The following RGS13 variants were observed in gnomAD, a reference collection of about 807,000 sequenced individuals.
RGS13 encodes regulator of G protein signaling 13, also known as regulator of G-protein signalling 13.
RGS13 carries 14 observed loss-of-function variants against 19.9 expected under a neutral mutation model. The ratio of observed to expected loss-of-function variants is 0.70; its 90% CI spans 0.46 to 1.10. The LOEUF (loss-of-function observed/expected upper bound fraction) is 1.10, where lower values mean the gene tolerates loss of function less well. Ranked by LOEUF, RGS13 falls within the 50% of genes least tolerant of loss-of-function variation. The pLI is 0.00. For missense variants in RGS13, 205 were observed against 187.1 expected, an observed-to-expected ratio of 1.10 and a Z score of -0.56; for synonymous variants, 60 against 56.8, an observed-to-expected ratio of 1.06 and a Z score of -0.25.
Position 192,659,576 on chromosome 1 carries a change from A to T in RGS13, c.*53A>T. The T allele has an allele frequency of 2.3e-6, 3 of 1,300,954 alleles. No individual in the cohort carries two copies. 80.6% of individuals were successfully genotyped at this position (1,300,954 alleles called of 1,614,324 possible). ...CAGTATATTGAAAGTGGTGGGTTTG[A>T]TCTTTTTATTTAGAAACCCACAAAA... On this transcript the variant is annotated 3_prime_UTR_variant, in exon 7 of 7. Transcript: ENST00000391995.
At chr1:192,659,305 A>C in intron 6 of RGS13, 33 bp from the exon 7 acceptor site, 4 of 1,557,236 alleles carry the variant, frequency 2.6e-6, no homozygotes, top group Non-Finnish European at 3.5e-6. Flanking sequence ...AACTATGCTA[A>C]CTTAATGCTG....
At chr1:192,648,876 G>A (rs1190552894) in intron 5 of RGS13, among the ~76,000 whole-genome samples, 1 of 152,062 alleles carries the variant, frequency 6.6e-6, no homozygotes, top group African/African-American at 2.4e-5. Flanking sequence ...GGTACCCCCT[G>A]TTCCTCATGG....
At chr1:192,640,773 C>G (rs144133436) in intron 3 of RGS13, among the ~76,000 whole-genome samples, 76 of 136,486 alleles carry the variant, frequency 5.6e-4, no homozygotes, top group African/African-American at 1.9e-3. Context: ...GAATCTATAC[C>G]TATATTTTCA....
intron 5 of RGS13, among the ~76,000 whole-genome samples, chr1:192,653,049 T>C (rs553001794): frequency 9.2e-4 from 140 of 152,176 alleles, no homozygotes; most frequent in African/African-American, 3.2e-3. Context: ...CAAGGCTTCT[T>C]CAGATTCAGT....
chr1:192,646,722 G>C (rs1433595545), intron 4 of RGS13: 1 of 152,002 alleles, frequency 6.6e-6, no homozygotes, highest in Non-Finnish European at 1.5e-5. Flanking sequence ...TCATCATTCA[G>C]TTCCCACTTA....
chr1:192,653,408 T>C (rs1663379560), intron 5 of RGS13, among the ~76,000 whole-genome samples: 1 of 152,114 alleles, frequency 6.6e-6, no homozygotes, highest in Admixed American at 6.6e-5. Context: ...CTGAAAGCAA[T>C]TTTACAATAT....
intron 5 of RGS13, among the ~76,000 whole-genome samples, chr1:192,657,294 A>T (rs192577115): frequency 5.7e-4 from 74 of 129,266 alleles, no homozygotes; most frequent in African/African-American, 1.8e-3. Flanking sequence ...TTTCTAGTCT[A>T]GTCTAGTCAA....
intron 3 of RGS13, 62 bp from the exon 4 acceptor site, chr1:192,644,269 G>C: frequency 1.7e-6 from 2 of 1,192,440 alleles, no homozygotes; most frequent in South Asian, 1.5e-5. Context: ...CTTAGAAACT[G>C]ACTGTAACAT....
At chr1:192,658,106 T>G in intron 5 of RGS13, 95 bp from the exon 6 acceptor site, 1 of 796,188 alleles carries the variant, frequency 1.3e-6, no homozygotes, top group Non-Finnish European at 2.0e-6. Context: ...AAATAATTTG[T>G]GAGTTTTTAA....
chr1:192,642,519 GTC>G (rs797004362), intron 3 of RGS13, among the ~76,000 whole-genome samples: 77 of 151,654 alleles, frequency 5.1e-4, no homozygotes, highest in Middle Eastern at 3.4e-3. Flanking sequence ...GAGAGACAGG[GTC>G]TCTCTATGCT....
At chr1:192,651,760 C>T (rs909350941) in intron 5 of RGS13, among the ~76,000 whole-genome samples, 4 of 152,020 alleles carry the variant, frequency 2.6e-5, no homozygotes, top group African/African-American at 4.8e-5. Flanking sequence ...GAATATCCGT[C>T]TGATTAATCT....
chr1:192,647,007 T>G (rs557792334), intron 4 of RGS13: 10 of 152,320 alleles, frequency 6.6e-5, no homozygotes, highest in Admixed American at 6.5e-4. Flanking sequence ...AGGTAAAATG[T>G]AACTTGACAT....
At position 192,659,504 on chromosome 1, in the gene RGS13, A is replaced by T. The variant is rs774539605; in HGVS notation, c.461A>T (p.Gln154Leu). ...EMYQKLLKTM[Q>L]SNNSF ...TACCAAAAACTTTTGAAAACTATGC[A>T]GTCCAACAACAGTTTCTGACTACAA... Residue 154 changes from glutamine (Q) to leucine (L), a missense_variant, in exon 7 of 7, where the codon CAG becomes CTG. By Grantham distance (113) the Gln-to-Leu change is moderately radical (BLOSUM62 -2). Coordinates refer to ENST00000391995, the MANE Select transcript of RGS13 (RefSeq NM_002927.5). The T allele has an allele frequency of 1.2e-6, 2 of 1,611,486 alleles. No homozygotes were observed. Among genetic ancestry groups the T allele is most frequent in the Non-Finnish European group, 1.7e-6 (2 of 1,178,838 alleles).
At chr1:192,644,227 T>C in intron 3 of RGS13, 104 bp from the exon 4 acceptor site, 2 of 730,834 alleles carry the variant, frequency 2.7e-6, no homozygotes. Flanking sequence ...AGAGCCCATC[T>C]TTTTTTTTAT....
At chr1:192,642,627 T>C (rs144196068) in intron 3 of RGS13, among the ~76,000 whole-genome samples, 125 of 152,106 alleles carry the variant, frequency 8.2e-4, no homozygotes, top group African/African-American at 2.8e-3. Context: ...GTGCTGAGCC[T>C]AAATTCCTTT....
At position 192,659,499 on chromosome 1, in the gene RGS13, T is replaced by G; in HGVS notation, c.456T>G (p.Thr152=). The change falls in exon 7 of 7, where the codon ACT becomes ACG. Residue 152 remains threonine, a synonymous_variant. Coordinates refer to ENST00000391995, the MANE Select transcript of RGS13 (RefSeq NM_002927.5). ...KSEMYQKLLK[T]MQSNNSF The stretch of plus-strand genomic sequence containing the variant: ...AAATGTACCAAAAACTTTTGAAAAC[T>G]ATGCAGTCCAACAACAGTTTCTGAC... 6.2e-7 allele frequency: 1 copy of G among 1,611,826 alleles called. No homozygotes were observed. Among genetic ancestry groups the G allele is most frequent in the Non-Finnish European group, 8.5e-7 (1 of 1,179,090 alleles).
chr1:192,645,642 G>A (rs1663206215), intron 4 of RGS13: 1 of 151,952 alleles, frequency 6.6e-6, no homozygotes. Context: ...AAGAATGGAG[G>A]GGACACAAGG....
At chr1:192,651,022 C>T (rs1322578863) in intron 5 of RGS13, among the ~76,000 whole-genome samples, 1 of 151,770 alleles carries the variant, frequency 6.6e-6, no homozygotes, top group African/African-American at 2.4e-5. Context: ...GCTGTGAGAC[C>T]ACTGAGAGGG....
intron 3 of RGS13, 96 bp downstream of exon 3, chr1:192,638,299 TCC>T (rs1273434492): frequency 2.0e-5 from 3 of 152,086 alleles, no homozygotes; most frequent in Non-Finnish European, 4.4e-5. Context: ...TTGGTTAATC[TCC>T]TTTTTCCTTC....
Sources: gnomAD v4.1 joint callset for allele counts (sites outside exome capture counted in the v4.1 genomes callset) on GRCh38, gnomAD v4.1.1 for gene constraint, MANE v1.5 for transcripts, NCBI Gene and HGNC (gene_info 2026-07-23, HGNC 2026-07-21) for gene names.